Variants in PARD3 observed in about 807,000 individuals in gnomAD.
PARD3 encodes partitioning defective 3 homolog.
In PARD3, 75 loss-of-function variants were observed where a neutral mutation model predicts 155.4. The ratio of observed to expected loss-of-function variants is 0.48; its 90% CI spans 0.40 to 0.58. PARD3 has a LOEUF of 0.58. Among genes scored for constraint, PARD3 ranks in the 20% least tolerant of loss-of-function variants. PARD3 has a pLI of 0.00. For synonymous variants in PARD3, 576 were observed against 610.5 expected (o/e 0.94, Z 0.83); for missense variants, 1,642 against 1,721.7 (o/e 0.95, Z 0.82).
intron 2 of PARD3, among the ~76,000 whole-genome samples, chr10:34,549,209 T>C (rs1287454314): frequency 1.3e-5 from 2 of 152,230 alleles, no homozygotes; most frequent in African/African-American, 4.8e-5. Context: ...GTGGGGATTA[T>C]GGGTATGTGT....
intron 2 of PARD3, among the ~76,000 whole-genome samples, chr10:34,687,118 G>A (rs888192106): frequency 2.0e-5 from 3 of 152,058 alleles, no homozygotes; most frequent in African/African-American, 4.8e-5. Flanking sequence ...ATTAAAGCAT[G>A]TTCCTAACCT....
At chr10:34,770,309 T>C (rs9417143) in intron 1 of PARD3, among the ~76,000 whole-genome samples, 43,526 of 152,126 alleles carry the variant, frequency 0.29, 6,551 homozygotes, top group East Asian at 0.54. Flanking sequence ...AAAGCACTTC[T>C]TACTGCTGAT....
chr10:34,393,875 T>C (rs937876597), intron 7 of PARD3, among the ~76,000 whole-genome samples: 17 of 149,562 alleles, frequency 1.1e-4, no homozygotes, highest in African/African-American at 4.2e-4. Flanking sequence ...TCTTGCTCTG[T>C]CACCTGGGCT....
rs74410668 is a variant in PARD3, at chr10:34,649,854, T to C, written c.222+46464A>G. ...ACTGTACAAAAATATTTCCTTTCTA[T>C]CCTTATCCTATAAACTTTTTTCCAT... On this transcript the variant is annotated intron_variant, in intron 2 of 24. Coordinates refer to ENST00000374788, the MANE Select transcript of PARD3 (RefSeq NM_001184785.2). 3.7e-3 allele frequency among the ~76,000 whole-genome samples: 560 copies of C among 152,338 alleles called. 1 individual carries two copies. Among genetic ancestry groups the C allele is most frequent in the African/African-American group, 0.012 (519 of 41,574 alleles).
intron 20 of PARD3, among the ~76,000 whole-genome samples, chr10:34,309,547 CCAAAAAAAAAAAAA>C (rs1304964168): frequency 8.6e-5 from 4 of 46,624 alleles, no homozygotes; most frequent in African/African-American, 3.4e-4. Context: ...GACCCTGTCT[CCAAAAAAAAAAAAA>C]AAAAAAAAAA....
intron 20 of PARD3, among the ~76,000 whole-genome samples, chr10:34,292,986 C>A (rs1210061607): frequency 6.6e-6 from 1 of 151,982 alleles, no homozygotes; most frequent in Non-Finnish European, 1.5e-5. Context: ...ATAGGGGGGA[C>A]AAAGGGAACC....
chr10:34,790,972 T>TCA lies in PARD3; in HGVS notation c.120+23902_120+23903dup, dbSNP rs201940384. ...GCGCATGCGTGGCACGCACATGGGC[T>TCA]CACACACAGACACACACACTTACTG... On this transcript the variant is annotated intron_variant, in intron 1 of 24. Transcript: ENST00000374788. Among the ~76,000 whole-genome samples, 1,075 of 152,206 alleles carry TCA rather than the reference T, an allele frequency of 7.1e-3. 15 individuals are homozygous for TCA. The highest frequency in any genetic ancestry group is 0.025 in the African/African-American group (1,040 of 41,520).
chr10:34,522,751 C>T (rs182138090), intron 2 of PARD3, among the ~76,000 whole-genome samples: 21 of 152,298 alleles, frequency 1.4e-4, no homozygotes, highest in African/African-American at 4.6e-4. Flanking sequence ...ACATCCTCCT[C>T]TAGAGGGCCC....
At chr10:34,475,475 T>C (rs74444793) in intron 3 of PARD3, among the ~76,000 whole-genome samples, 3,897 of 152,326 alleles carry the variant, frequency 0.026, 168 homozygotes, top group African/African-American at 0.089. Flanking sequence ...TACCACACCA[T>C]AACTCGACCA....
chr10:34,742,592 A>C (rs1590909560), intron 1 of PARD3, among the ~76,000 whole-genome samples: 1 of 152,190 alleles, frequency 6.6e-6, no homozygotes, highest in Non-Finnish European at 1.5e-5. Flanking sequence ...ACTCTGACCT[A>C]AAAAACAGAG....
chr10:34,156,620 G>A (rs1396082809), intron 22 of PARD3, among the ~76,000 whole-genome samples: 2 of 152,192 alleles, frequency 1.3e-5, no homozygotes, highest in Non-Finnish European at 2.9e-5. Flanking sequence ...CGATGAACAA[G>A]AGTCACCACT....
chr10:34,439,509 G>A (rs2076357031), intron 5 of PARD3, among the ~76,000 whole-genome samples: 2 of 151,828 alleles, frequency 1.3e-5, no homozygotes, highest in South Asian at 2.1e-4. Context: ...CCAGGCTGGA[G>A]TGCAGTGGTG....
intron 5 of PARD3, among the ~76,000 whole-genome samples, chr10:34,443,885 T>A (rs1276115433): frequency 6.6e-6 from 1 of 152,194 alleles, no homozygotes; most frequent in Non-Finnish European, 1.5e-5. Context: ...CTCCCAAAAC[T>A]CTGGCCTCTG....
intron 3 of PARD3, among the ~76,000 whole-genome samples, chr10:34,490,006 G>A (rs1197781743): frequency 1.3e-5 from 2 of 152,158 alleles, no homozygotes; most frequent in South Asian, 2.1e-4. Flanking sequence ...CAGAAAACAT[G>A]CTCCTATCCA....
At chr10:34,226,894 A>G (rs55924133) in intron 22 of PARD3, among the ~76,000 whole-genome samples, 24,724 of 152,214 alleles carry the variant, frequency 0.16, 2,669 homozygotes, top group Middle Eastern at 0.31. Context: ...AACTATTGAT[A>G]TATACAACAG....
At chr10:34,655,182 G>A (rs997231978) in intron 2 of PARD3, among the ~76,000 whole-genome samples, 2 of 151,554 alleles carry the variant, frequency 1.3e-5, no homozygotes, top group Admixed American at 6.6e-5. Context: ...ATTTGAAGAC[G>A]AGGTTTGTTC....
intron 9 of PARD3, among the ~76,000 whole-genome samples, chr10:34,382,113 C>G (rs980107843): frequency 2.0e-5 from 3 of 152,070 alleles, no homozygotes; most frequent in Non-Finnish European, 2.9e-5. Flanking sequence ...CTGAGATTGA[C>G]GTGCACTACC....
intron 22 of PARD3, among the ~76,000 whole-genome samples, chr10:34,256,710 T>A (rs1284795269): frequency 1.3e-5 from 2 of 150,474 alleles, no homozygotes; most frequent in African/African-American, 4.8e-5. Flanking sequence ...GAACTAGTAA[T>A]GAAAGGCATA....
intron 22 of PARD3, among the ~76,000 whole-genome samples, chr10:34,155,151 G>T (rs1220577140): frequency 2.0e-5 from 3 of 152,198 alleles, no homozygotes; most frequent in Non-Finnish European, 4.4e-5. Flanking sequence ...AGGAATTGAA[G>T]TCAGGTTGAG....
Sources: gnomAD v4.1 joint callset for allele counts (sites outside exome capture counted in the v4.1 genomes callset) on GRCh38, gnomAD v4.1.1 for gene constraint, MANE v1.5 for transcripts, NCBI Gene and HGNC (gene_info 2026-07-23, HGNC 2026-07-21) for gene names.